The following SBK1 variants were observed in gnomAD, a reference collection of about 807,000 sequenced individuals.
The protein encoded by SBK1 is SH3 domain binding kinase 1, also known as serine/threonine-protein kinase SBK1.
In SBK1, 11 loss-of-function variants were observed where a neutral mutation model predicts 24.4. The observed-to-expected ratio is 0.45, with a 90% CI of 0.28 to 0.75. The LOEUF is 0.75. Ranked by LOEUF, SBK1 falls within the 30% of genes least tolerant of loss-of-function variation. The pLI is 0.12. For missense variants in SBK1, 467 were observed against 620.5 expected, an observed-to-expected ratio of 0.75 and a Z score of 2.63; for synonymous variants, 308 against 284.4, an observed-to-expected ratio of 1.08 and a Z score of -0.83.
chr16:28,270,772 G>GA (rs2044460062), intron 1 of SBK1, among the ~76,000 whole-genome samples: 1 of 151,806 alleles, frequency 6.6e-6, no homozygotes, highest in Non-Finnish European at 1.5e-5. Context: ...AGTGAGAGTA[G>GA]AAAAAACAAT....
rs1190540026 is a variant in SBK1 at position 28,292,535 on chromosome 16, T to A, written c.-773T>A. On this transcript the variant is annotated 5_prime_UTR_variant, in exon 1 of 4. It removes an upstream start codon present in the reference 5' UTR. Coordinates refer to ENST00000341901, the MANE Select transcript of SBK1 (RefSeq NM_001024401.3). ...GGAGGGCGGAGCCGCGATGCCGCGATGGAGCGCAGCCCGGGCGGGCGCCGG... is the reference window on the plus strand; with the variant it reads ...GGAGGGCGGAGCCGCGATGCCGCGAAGGAGCGCAGCCCGGGCGGGCGCCGG... The A allele has an allele frequency of 5.2e-6, 5 of 970,560 alleles. No individual in the cohort carries two copies. Among genetic ancestry groups the A allele is most frequent in the Non-Finnish European group, 4.8e-6 (4 of 825,204 alleles). 60.1% of individuals were successfully genotyped at this position (970,560 alleles called of 1,614,324 possible). A position where few individuals can be genotyped will look rare whatever the true frequency, so the allele number is the denominator to read the frequency against.
chr16:28,291,478 G>C (rs995078837), upstream of SBK1: 6 of 151,764 alleles, frequency 4.0e-5, no homozygotes, highest in Non-Finnish European at 7.4e-5. Context: ...TGCATGTTGT[G>C]CATATGTACC....
At chr16:28,265,016 A>C (rs182216934) in intron 1 of SBK1, among the ~76,000 whole-genome samples, 1 of 152,260 alleles carries the variant, frequency 6.6e-6, no homozygotes, top group East Asian at 1.9e-4. Flanking sequence ...ACACGCCTGC[A>C]ATCCCAGCAC....
At position 28,292,776 on chromosome 16, in the gene SBK1, G is replaced by A; in HGVS notation, c.-532G>A. ...AGCCCCCTTCCACATCCAGGATCCG[G>A]CGAGCCTCGGGGAAGAGGGGGGGCC... On this transcript the variant is annotated 5_prime_UTR_variant, in exon 1 of 4. Transcript: ENST00000341901. The A allele has an allele frequency of 1.0e-6, 1 of 985,322 alleles. No individual in the cohort carries two copies. Among genetic ancestry groups the A allele is most frequent in the Non-Finnish European group, 1.2e-6 (1 of 829,872 alleles). The allele number at this position is 985,322 out of a possible 1,614,324, so 61.0% of individuals were successfully genotyped here.
At position 28,320,073 on chromosome 16, in the gene SBK1, C is replaced by T. The variant is rs934571119; in HGVS notation, c.430-3C>T. On this transcript the variant is annotated splice_region_variant and splice_polypyrimidine_tract_variant and intron_variant, in intron 3 of 3. Transcript: ENST00000341901. This position sits in a 1 kb window ranked among gnomAD's most constrained non-coding sequence, Gnocchi z 8.5. ...CAGCGCGGCTTCCCCCGGCCGCCCG[C>T]AGGTGGGGCTCCCTGAGGACACGGT... is the stretch of plus-strand genomic sequence containing the variant. 11 of 1,487,410 alleles carry T rather than the reference C, an allele frequency of 7.4e-6. No homozygotes were observed. The highest frequency in any genetic ancestry group is 9.8e-6 in the Non-Finnish European group (11 of 1,125,482). 92.1% of individuals were successfully genotyped at this position (1,487,410 alleles called of 1,614,324 possible). A position where few individuals can be genotyped will look rare whatever the true frequency, so the allele number is the denominator to read the frequency against.
intron 1 of SBK1, among the ~76,000 whole-genome samples, chr16:28,304,160 A>G (rs1207863881): frequency 1.3e-5 from 2 of 152,206 alleles, no homozygotes; most frequent in East Asian, 3.8e-4. Context: ...CCACGACCCA[A>G]GTGTCTGTCA....
In SBK1 at chr16:28,264,152, C is replaced by A. The variant is rs1054912876; in HGVS notation, c.257+4650C>A. Among the ~76,000 whole-genome samples the A allele has an allele frequency of 1.1e-4, 17 of 152,232 alleles. No homozygotes were observed. The East Asian group carries it at 2.5e-3, about 22-fold the overall frequency. ...TCTAAAACTAAAAATAAAATAAAAA[C>A]AAACAAACATTGGAGACAAATCCAC... On this transcript the variant is annotated intron_variant, in intron 1 of 3. Transcript: ENST00000671413.
At chr16:28,280,340 A>G (rs1324038805) in intron 1 of SBK1, among the ~76,000 whole-genome samples, 1 of 144,762 alleles carries the variant, frequency 6.9e-6, no homozygotes, top group East Asian at 2.0e-4. Context: ...ATATGTATAT[A>G]TATATATAAA....
chr16:28,279,079 C>T (rs2044512817), intron 1 of SBK1, among the ~76,000 whole-genome samples: 1 of 151,960 alleles, frequency 6.6e-6, no homozygotes, highest in African/African-American at 2.4e-5. Flanking sequence ...TGGTGGTGTG[C>T]ACCTGTAATC....
chr16:28,283,546 G>A (rs2044546541), intron 1 of SBK1, among the ~76,000 whole-genome samples: 1 of 152,148 alleles, frequency 6.6e-6, no homozygotes, highest in African/African-American at 2.4e-5. Flanking sequence ...TCAGGGAACA[G>A]ACCAATCTCA....
intron 1 of SBK1, among the ~76,000 whole-genome samples, chr16:28,280,885 G>A (rs548300986): frequency 4.6e-5 from 7 of 152,010 alleles, no homozygotes; most frequent in Middle Eastern, 3.2e-3. Context: ...GACTGGTCTC[G>A]AACTCCTGAC....
In SBK1 at chr16:28,259,767, T is replaced by C. The variant is rs569602203; in HGVS notation, c.257+265T>C. Among the ~76,000 whole-genome samples, 3 of 152,198 alleles carry C rather than the reference T, an allele frequency of 2.0e-5. No individual in the cohort carries two copies. The highest frequency in any genetic ancestry group is 3.4e-3 in the Middle Eastern group (1 of 292). ...TCCCTCCCCTGCTCAGAGCCCTCCA[T>C]GGCTCCCAGCTCCCGTGGGATAAAG... On this transcript the variant is annotated intron_variant, in intron 1 of 3. Coordinates refer to the SBK1 transcript ENST00000671413. The surrounding 1 kb of genome is among the most constrained non-coding windows in gnomAD (Gnocchi z 6.0).
At chr16:28,267,843 C>T (rs1567669290) in intron 1 of SBK1, among the ~76,000 whole-genome samples, 2 of 152,186 alleles carry the variant, frequency 1.3e-5, no homozygotes, top group Non-Finnish European at 2.9e-5. Flanking sequence ...GTAAGAAGGG[C>T]TTAAATCCTC....
intron 1 of SBK1, chr16:28,286,593 T>C (rs2044566589): frequency 1.3e-5 from 2 of 152,174 alleles, no homozygotes; most frequent in South Asian, 4.1e-4. Flanking sequence ...AGGAATCACT[T>C]GAACCCAAGA....
At chr16:28,308,781 T>TGTGTGTG (rs1567678533) in intron 1 of SBK1, among the ~76,000 whole-genome samples, 14 of 94,512 alleles carry the variant, frequency 1.5e-4, no homozygotes, top group African/African-American at 2.0e-4. Flanking sequence ...GTGTGTGTGT[T>TGTGTGTG]TGTTTTGTTT....
At position 28,320,577 on chromosome 16, in the gene SBK1, C is replaced by A. The variant is rs765010914; in HGVS notation, c.931C>A (p.Arg311Ser). 16 of 1,528,878 alleles carry A rather than the reference C, an allele frequency of 1.0e-5. No individual in the cohort carries two copies. The highest frequency in any genetic ancestry group is 2.0e-5 in the Admixed American group (1 of 51,214). The allele number at this position is 1,528,878 out of a possible 1,614,324, so 94.7% of individuals were successfully genotyped here. A position where few individuals can be genotyped will look rare whatever the true frequency, so the allele number is the denominator to read the frequency against. The change falls in exon 4 of 4, where the codon CGC becomes AGC. Residue 311 changes from arginine (R) to serine (S), a missense_variant. Around this residue, in one of 4 missense-constraint regions of SBK1, gnomAD observed 86 missense variants for 121.7 expected, o/e 0.71. Coordinates refer to ENST00000341901, the MANE Select transcript of SBK1 (RefSeq NM_001024401.3). This position sits in a 1 kb window ranked among gnomAD's most constrained non-coding sequence, Gnocchi z 8.5. ...ERRGPAKEVF[R>S]FLKHELTSEL... Reference sequence around the variant, plus strand: ...CCGCGGCCCAGCCAAGGAGGTGTTCCGCTTCCTCAAGCACGAGCTCACGTC... The same window carrying A: ...CCGCGGCCCAGCCAAGGAGGTGTTCAGCTTCCTCAAGCACGAGCTCACGTC...
chr16:28,307,194 A>G (rs368567049), intron 1 of SBK1, among the ~76,000 whole-genome samples: 3 of 152,204 alleles, frequency 2.0e-5, no homozygotes, highest in East Asian at 1.9e-4. Flanking sequence ...GCCGACACTC[A>G]GGGAACCCCT....
chr16:28,315,180 A>G (rs1025917142), intron 1 of SBK1, among the ~76,000 whole-genome samples: 11 of 150,662 alleles, frequency 7.3e-5, no homozygotes, highest in African/African-American at 2.7e-4. Context: ...ACCTCTCTCC[A>G]TTTACAGATG....
rs35296302 is a variant in SBK1 at position 28,261,428 on chromosome 16, TACACACACACACACACACACACAC to T, written c.257+1954_257+1977del. Among the ~76,000 whole-genome samples the T allele has an allele frequency of 5.6e-5, 7 of 124,674 alleles. No homozygotes were observed. The Middle Eastern group carries it at 0.012, about 219-fold the overall frequency. 81.8% of individuals were successfully genotyped at this position (124,674 alleles called of 152,430 possible). A position where few individuals can be genotyped will look rare whatever the true frequency, so the allele number is the denominator to read the frequency against. On this transcript the variant is annotated intron_variant, in intron 1 of 3. Transcript: ENST00000671413. ...TAGGCAACACAGTGAGACTCCCGTCTACACACACACACACACACACACACACACACACACACACACACACACACA... is the reference window on the plus strand; with the variant it reads ...TAGGCAACACAGTGAGACTCCCGTCTACACACACACACACACACACACACA...
Sources: allele counts gnomAD v4.1 joint callset (sites outside exome capture counted in the v4.1 genomes callset), GRCh38; gene constraint gnomAD v4.1.1; regional missense constraint gnomAD v4.1.1; non-coding constraint Gnocchi (gnomAD v3.1); transcripts MANE v1.5; gene names NCBI Gene and HGNC (gene_info 2026-07-23, HGNC 2026-07-21).